The following SV2C variants were observed in gnomAD, a reference collection of about 807,000 sequenced individuals.
SV2C encodes synaptic vesicle glycoprotein 2C.
A neutral mutation model predicts 79.7 loss-of-function variants in SV2C; 49 were observed. The observed-to-expected ratio is 0.61, with a 90% CI of 0.49 to 0.78. SV2C has a LOEUF of 0.78. SV2C is among the 30% of genes least tolerant of loss of function. The pLI, the probability that SV2C is intolerant of heterozygous loss-of-function variation, is 0.00. For synonymous variants in SV2C, 334 were observed against 333.2 expected (o/e 1.00, Z -0.03); for missense variants, 833 against 912.9 (o/e 0.91, Z 1.13).
chr5:75,948,427 A>G, the SV2C span, among the ~76,000 whole-genome samples: 1 of 152,244 alleles, frequency 6.6e-6, no homozygotes, highest in African/African-American at 2.4e-5. Context: ...AGGTGAAGGC[A>G]ATGATACACT....
rs763201798 is a variant in SV2C, at chr5:76,194,923, C to T, written c.585C>T (p.Ser195=). The change falls in exon 3 of 13, where the codon AGC becomes AGT. Residue 195 remains serine (S), a synonymous_variant. Transcript: ENST00000502798. ...IPNSGSGWLG[S]IVYLGMMVGA... is the part of the protein sequence containing the mutation. ...TTTGTTTTCTGTGTGTTGCAGGCAG[C>T]ATAGTGTACCTCGGGATGATGGTGG... The T allele has an allele frequency of 6.2e-7, 1 of 1,613,854 alleles. No individual in the cohort carries two copies. Among genetic ancestry groups the T allele is most frequent in the South Asian group, 1.1e-5 (1 of 91,048 alleles).
intron 12 of SV2C, among the ~76,000 whole-genome samples, chr5:76,348,721 C>CCCCA (rs889484115): frequency 1.3e-5 from 2 of 152,216 alleles, no homozygotes; most frequent in Non-Finnish European, 2.9e-5. Flanking sequence ...AGAACATGGG[C>CCCCA]TGGGCATGGT....
At chr5:75,958,261 A>G in the SV2C span, among the ~76,000 whole-genome samples, 1 of 151,942 alleles carries the variant, frequency 6.6e-6, no homozygotes, top group South Asian at 2.1e-4. Context: ...TATTGTGATG[A>G]TTAATTTTCT....
chr5:75,907,052 A>G, the SV2C span, among the ~76,000 whole-genome samples: 1 of 152,150 alleles, frequency 6.6e-6, no homozygotes, highest in East Asian at 1.9e-4. Flanking sequence ...GAGGACTCCA[A>G]TCTCCCAAGT....
At chr5:76,258,072 TG>T (rs998857071) in intron 4 of SV2C, among the ~76,000 whole-genome samples, 4 of 134,888 alleles carry the variant, frequency 3.0e-5, no homozygotes, top group Admixed American at 7.8e-5. Context: ...TTATGTAGTA[TG>T]GGGGGTGTGG....
At chr5:76,338,782 C>G (rs901571731), downstream of SV2C, among the ~76,000 whole-genome samples, 2 of 151,734 alleles carry the variant, frequency 1.3e-5, no homozygotes, top group Non-Finnish European at 2.9e-5. Context: ...CTCAGCCTCC[C>G]GAGTAGCTGG....
chr5:76,312,032 A>T (rs551958728), intron 12 of SV2C, among the ~76,000 whole-genome samples: 1 of 152,318 alleles, frequency 6.6e-6, no homozygotes, highest in East Asian at 1.9e-4. Flanking sequence ...TTTTCCATCC[A>T]TCAGGGTCCC....
At chr5:75,977,699 G>A in the SV2C span, among the ~76,000 whole-genome samples, 1 of 152,056 alleles carries the variant, frequency 6.6e-6, no homozygotes, top group Non-Finnish European at 1.5e-5. Flanking sequence ...ATATACTTCC[G>A]GCAGTGCATC....
the SV2C span, among the ~76,000 whole-genome samples, chr5:75,957,207 A>C: frequency 6.6e-6 from 1 of 151,984 alleles, no homozygotes; most frequent in Admixed American, 6.6e-5. Flanking sequence ...TAAGATAGTA[A>C]ATCAGGAGTA....
intron 2 of SV2C, among the ~76,000 whole-genome samples, chr5:76,177,045 G>T (rs1743552745): frequency 6.6e-6 from 1 of 151,290 alleles, no homozygotes; most frequent in East Asian, 1.9e-4. Flanking sequence ...AACCCGGGAG[G>T]CAGAGCTTGC....
chr5:75,948,106 C>A, the SV2C span, among the ~76,000 whole-genome samples: 1 of 151,964 alleles, frequency 6.6e-6, no homozygotes, highest in South Asian at 2.1e-4. Context: ...TATAGCATCC[C>A]TCATATACAC....
At chr5:76,283,402 T>G (rs952000571) in intron 4 of SV2C, among the ~76,000 whole-genome samples, 18 of 152,330 alleles carry the variant, frequency 1.2e-4, no homozygotes, top group African/African-American at 4.1e-4. Flanking sequence ...CTATACTTTA[T>G]GAAATGTGCT....
intron 4 of SV2C, among the ~76,000 whole-genome samples, chr5:76,277,422 A>G (rs532103166): frequency 1.0e-3 from 157 of 152,388 alleles, no homozygotes; most frequent in Non-Finnish European, 2.0e-3. Context: ...ATGAAAAAGA[A>G]CAAACCACAG....
chr5:76,043,429 C>T, the SV2C span, among the ~76,000 whole-genome samples: 1 of 152,184 alleles, frequency 6.6e-6, no homozygotes, highest in Non-Finnish European at 1.5e-5. Flanking sequence ...AATAAGTTGT[C>T]AAAAGTCACT....
At chr5:76,335,423 T>C (rs1259312545), downstream of SV2C, among the ~76,000 whole-genome samples, 2 of 144,240 alleles carry the variant, frequency 1.4e-5, no homozygotes, top group Non-Finnish European at 3.0e-5. Flanking sequence ...CCTTTTTTTT[T>C]TTTTTTTTTT....
At chr5:76,008,680 A>G in the SV2C span, among the ~76,000 whole-genome samples, 37 of 152,282 alleles carry the variant, frequency 2.4e-4, no homozygotes, top group African/African-American at 8.2e-4. Context: ...GGAGCCTACC[A>G]TGAGACCATG....
At chr5:76,070,652 A>C in the SV2C span, among the ~76,000 whole-genome samples, 1 of 152,110 alleles carries the variant, frequency 6.6e-6, no homozygotes, top group Admixed American at 6.5e-5. Flanking sequence ...TGGTACCAAA[A>C]TGTCAAGCCT....
intron 4 of SV2C, among the ~76,000 whole-genome samples, chr5:76,282,941 G>A (rs901091625): frequency 6.6e-6 from 1 of 152,152 alleles, no homozygotes. Flanking sequence ...GAACCCAAGA[G>A]GCAAAGATTA....
chr5:75,855,445 T>C, the SV2C span, among the ~76,000 whole-genome samples: 2 of 152,240 alleles, frequency 1.3e-5, no homozygotes, highest in African/African-American at 4.8e-5. Flanking sequence ...TATACCTCAT[T>C]TGTGCTTTGC....
Sources: allele counts gnomAD v4.1 joint callset (sites outside exome capture counted in the v4.1 genomes callset), GRCh38; gene constraint gnomAD v4.1.1; transcripts MANE v1.5; gene names NCBI Gene and HGNC (gene_info 2026-07-23, HGNC 2026-07-21).